PRKCE: variants seen among roughly 807,000 people sequenced by gnomAD.
PRKCE encodes the protein protein kinase C epsilon.
A neutral mutation model predicts 85.4 loss-of-function variants in PRKCE; 16 were observed. The observed-to-expected ratio is 0.19, with a 90% CI of 0.13 to 0.28. PRKCE has a LOEUF of 0.28. Ranked by LOEUF, PRKCE falls within the 10% of genes least tolerant of loss-of-function variation. PRKCE has a pLI of 1.00. For missense variants in PRKCE, 573 were observed against 975.2 expected, an observed-to-expected ratio of 0.59 and a Z score of 5.49; for synonymous variants, 388 against 371.5, an observed-to-expected ratio of 1.04 and a Z score of -0.51.
intron 10 of PRKCE, among the ~76,000 whole-genome samples, chr2:46,023,056 G>C (rs1177618008): frequency 2.1e-5 from 3 of 142,338 alleles, no homozygotes; most frequent in African/African-American, 5.5e-5. Context: ...GCAGTCCGCA[G>C]TCCGTCCTGG....
chr2:45,998,025 T>C (rs1477392088), intron 6 of PRKCE, among the ~76,000 whole-genome samples: 1 of 152,224 alleles, frequency 6.6e-6, no homozygotes, highest in African/African-American at 2.4e-5. Context: ...CATTGTATGA[T>C]TTCCATTCTT....
intron 2 of PRKCE, among the ~76,000 whole-genome samples, chr2:45,967,692 TTTTTTTTC>T (rs1374298436): frequency 7.2e-6 from 1 of 139,140 alleles, no homozygotes; most frequent in East Asian, 1.9e-4. Flanking sequence ...GGATGACTCA[TTTTTTTTC>T]TTTTTTTCTT....
At chr2:45,819,931 T>C (rs1689388572) in intron 1 of PRKCE, among the ~76,000 whole-genome samples, 1 of 152,200 alleles carries the variant, frequency 6.6e-6, no homozygotes, top group African/African-American at 2.4e-5. Flanking sequence ...CACAGCCCAC[T>C]GTATTCCTAA....
In PRKCE at chr2:45,661,506, G is replaced by T. The variant is rs936463434; in HGVS notation, c.348+9058G>T. Among the ~76,000 whole-genome samples, 48 of 107,432 alleles carry T rather than the reference G, an allele frequency of 4.5e-4. No homozygotes were observed. In the South Asian group the frequency reaches 0.01, roughly 22 times the overall value. The allele number at this position is 107,432 out of a possible 152,430, so 70.5% of individuals were successfully genotyped here. A position where few individuals can be genotyped will look rare whatever the true frequency, so the allele number is the denominator to read the frequency against. Reference sequence around the variant, plus strand: ...CCTGGCTTCAAGAAGAGTTTTTTTTGTTTTGTTTTGTTTTTTGTTTTTTGT... The same window carrying T: ...CCTGGCTTCAAGAAGAGTTTTTTTTTTTTTGTTTTGTTTTTTGTTTTTTGT... On this transcript the variant is annotated intron_variant, in intron 1 of 14. Transcript: ENST00000306156.
intron 2 of PRKCE, among the ~76,000 whole-genome samples, chr2:45,872,934 C>T (rs943078672): frequency 2.6e-5 from 4 of 152,182 alleles, no homozygotes; most frequent in East Asian, 1.9e-4. Context: ...GAGAGCATGA[C>T]ACCTGGGAGC....
chr2:45,839,732 T>G (rs1175826330), intron 1 of PRKCE, among the ~76,000 whole-genome samples: 1 of 152,242 alleles, frequency 6.6e-6, no homozygotes, highest in Non-Finnish European at 1.5e-5. Context: ...CTTCACCATC[T>G]TTTATACTTG....
intron 12 of PRKCE, among the ~76,000 whole-genome samples, chr2:46,149,897 C>T (rs1676446980): frequency 6.7e-6 from 1 of 150,038 alleles, no homozygotes. Context: ...CACTCTGTTA[C>T]CCAGGTTGAA....
At chr2:45,877,392 G>C (rs545348349) in intron 2 of PRKCE, among the ~76,000 whole-genome samples, 2 of 152,036 alleles carry the variant, frequency 1.3e-5, no homozygotes, top group South Asian at 4.2e-4. Context: ...CTGGGATCCT[G>C]ATTAAATATA....
chr2:46,136,468 G>C (rs1408865229), intron 11 of PRKCE, among the ~76,000 whole-genome samples: 1 of 152,108 alleles, frequency 6.6e-6, no homozygotes, highest in African/African-American at 2.4e-5. Flanking sequence ...GATAGCTGAG[G>C]TGCAGGGTAA....
intron 1 of PRKCE, among the ~76,000 whole-genome samples, chr2:45,658,846 G>C (rs1433064804): frequency 6.6e-6 from 1 of 152,170 alleles, no homozygotes; most frequent in African/African-American, 2.4e-5. Context: ...ATTTGACTTA[G>C]TTATACTTAA....
At chr2:46,090,220 G>T (rs992014460) in intron 11 of PRKCE, among the ~76,000 whole-genome samples, 2 of 152,094 alleles carry the variant, frequency 1.3e-5, no homozygotes, top group African/African-American at 4.8e-5. Flanking sequence ...CTGATATATG[G>T]AGTTCAGGAA....
chr2:46,107,652 T>C (rs957515106), intron 11 of PRKCE, among the ~76,000 whole-genome samples: 1 of 152,268 alleles, frequency 6.6e-6, no homozygotes, highest in Admixed American at 6.5e-5. Context: ...GCAAAGTGGC[T>C]GAAATCATTT....
At chr2:46,123,513 G>T (rs1673545704) in intron 11 of PRKCE, among the ~76,000 whole-genome samples, 1 of 152,068 alleles carries the variant, frequency 6.6e-6, no homozygotes, top group African/African-American at 2.4e-5. Flanking sequence ...TTTGAAGACA[G>T]AGTCTCGCTC....
intron 1 of PRKCE, among the ~76,000 whole-genome samples, chr2:45,671,503 A>T (rs1466326381): frequency 6.6e-6 from 1 of 152,150 alleles, no homozygotes; most frequent in African/African-American, 2.4e-5. Flanking sequence ...AGCTCTATTT[A>T]AAAAGGCAAT....
At chr2:46,121,213 A>G (rs777317171) in intron 11 of PRKCE, among the ~76,000 whole-genome samples, 1 of 152,212 alleles carries the variant, frequency 6.6e-6, no homozygotes, top group East Asian at 1.9e-4. Context: ...GGGGATGTTT[A>G]TGCCAATAAT....
At chr2:46,103,389 C>A (rs761911668) in intron 11 of PRKCE, among the ~76,000 whole-genome samples, 1 of 152,182 alleles carries the variant, frequency 6.6e-6, no homozygotes, top group Non-Finnish European at 1.5e-5. Flanking sequence ...AAACCAAAAT[C>A]TAGGTGCGAA....
At chr2:45,906,826 G>A (rs967576705) in intron 2 of PRKCE, among the ~76,000 whole-genome samples, 32 of 152,226 alleles carry the variant, frequency 2.1e-4, no homozygotes, top group African/African-American at 7.5e-4. Context: ...CAGAGGCCTG[G>A]GGCCAGCACT....
At chr2:45,810,889 A>T (rs1688609872) in intron 1 of PRKCE, among the ~76,000 whole-genome samples, 1 of 151,402 alleles carries the variant, frequency 6.6e-6, no homozygotes, top group African/African-American at 2.4e-5. Flanking sequence ...TGAAAGTCTG[A>T]GATAACACAG....
At chr2:45,712,137 C>CTTTTTTTTTTTT (rs34233761) in intron 1 of PRKCE, among the ~76,000 whole-genome samples, 1 of 45,796 alleles carries the variant, frequency 2.2e-5, no homozygotes, top group Non-Finnish European at 3.7e-5. Flanking sequence ...ACGGCCTGTC[C>CTTTTTTTTTTTT]TTTTTTTTTT....
Sources: allele counts gnomAD v4.1 joint callset (sites outside exome capture counted in the v4.1 genomes callset), GRCh38; gene constraint gnomAD v4.1.1; transcripts MANE v1.5; gene names NCBI Gene and HGNC (gene_info 2026-07-23, HGNC 2026-07-21).